TMEM178B: variants seen among roughly 807,000 people sequenced by gnomAD.
TMEM178B encodes the protein transmembrane protein 178B.
Under a neutral mutation model 31.0 loss-of-function variants are expected in TMEM178B, and 5 were observed. That is an observed-to-expected ratio of 0.16 (90% confidence interval 0.08 to 0.34). The LOEUF (loss-of-function observed/expected upper bound fraction) is 0.34, where lower values mean the gene tolerates loss of function less well. Among genes scored for constraint, TMEM178B ranks in the 10% least tolerant of loss-of-function variants. The pLI is 1.00. For synonymous variants in TMEM178B, 164 were observed against 164.0 expected, an observed-to-expected ratio of 1.00 and a Z score of 0.00; for missense variants, 275 against 400.3, an observed-to-expected ratio of 0.69 and a Z score of 2.67.
In TMEM178B at chr7:141,246,691, A is replaced by G. The variant is rs564629120; in HGVS notation, c.496+33987A>G. 5.9e-5 allele frequency among the ~76,000 whole-genome samples: 9 copies of G among 152,170 alleles called. No homozygotes were observed. In the South Asian group the frequency reaches 1.9e-3, roughly 32 times the overall value. On this transcript the variant is annotated intron_variant, in intron 2 of 3. Coordinates refer to ENST00000565468, the MANE Select transcript of TMEM178B (RefSeq NM_001195278.2). ...TGTGTGCAGGTAAGCAAAGGCGTAG[A>G]GGTGGGAACAAGAGACATGGTGTAG...
rs1186024660 is a variant in TMEM178B, at chr7:141,477,543, GAAGGGTCATGGC to G, written c.*6768_*6779del. On this transcript the variant is annotated 3_prime_UTR_variant, in exon 4 of 4. Coordinates refer to ENST00000565468, the MANE Select transcript of TMEM178B (RefSeq NM_001195278.2). ...AAATAAAAGTAAATCAGCAATGTTT[GAAGGGTCATGGC>G]AAGGGTCATGACAAAGACCTGACTC... 13 of 152,156 alleles carry G rather than the reference GAAGGGTCATGGC, an allele frequency of 8.5e-5. No individual in the cohort carries two copies. Among genetic ancestry groups the G allele is most frequent in the Non-Finnish European group, 1.5e-5 (1 of 68,040 alleles). The allele number at this position is 152,156 out of a possible 1,614,324, so 9.4% of individuals were successfully genotyped here.
intron 1 of TMEM178B, among the ~76,000 whole-genome samples, chr7:141,179,373 G>C (rs1170081469): frequency 6.6e-6 from 1 of 152,120 alleles, no homozygotes; most frequent in Non-Finnish European, 1.5e-5. Flanking sequence ...GGAAAAAAAG[G>C]GACTTTTCTT....
chr7:141,113,115 A>T (rs964094033), intron 1 of TMEM178B, among the ~76,000 whole-genome samples: 8 of 152,228 alleles, frequency 5.3e-5, no homozygotes, highest in Non-Finnish European at 5.9e-5. Flanking sequence ...ATGCTGAAGG[A>T]TGAGAGTGAG....
intron 1 of TMEM178B, among the ~76,000 whole-genome samples, chr7:141,125,044 C>T (rs896378836): frequency 1.3e-5 from 2 of 152,104 alleles, no homozygotes; most frequent in Admixed American, 6.5e-5. Flanking sequence ...ATATCTGAGG[C>T]CCCCTATTGG....
intron 1 of TMEM178B, among the ~76,000 whole-genome samples, chr7:141,144,845 CT>C (rs1795826720): frequency 6.6e-6 from 1 of 152,066 alleles, no homozygotes; most frequent in Admixed American, 6.5e-5. Flanking sequence ...AGGCTGAATT[CT>C]CAGTTGGCCC....
intron 1 of TMEM178B, among the ~76,000 whole-genome samples, chr7:141,134,840 C>A (rs563580792): frequency 6.6e-6 from 1 of 152,262 alleles, no homozygotes; most frequent in South Asian, 2.1e-4. Context: ...ATATTCCATG[C>A]TGATATGGTT....
intron 2 of TMEM178B, among the ~76,000 whole-genome samples, chr7:141,327,678 A>C (rs1024969390): frequency 6.6e-6 from 1 of 152,208 alleles, no homozygotes; most frequent in Non-Finnish European, 1.5e-5. Flanking sequence ...GTTGGGAGGT[A>C]GGACTTTCAA....
intron 2 of TMEM178B, among the ~76,000 whole-genome samples, chr7:141,248,811 A>G (rs778743335): frequency 6.6e-6 from 1 of 152,240 alleles, no homozygotes; most frequent in Non-Finnish European, 1.5e-5. Context: ...CTTCATAAGC[A>G]CGATACACTT....
chr7:141,148,740 A>G (rs1023350124), intron 1 of TMEM178B, among the ~76,000 whole-genome samples: 2 of 152,228 alleles, frequency 1.3e-5, no homozygotes, highest in Non-Finnish European at 2.9e-5. Context: ...TATCCTACTG[A>G]GGGTGACGGG....
chr7:141,170,844 C>T (rs1282062773), intron 1 of TMEM178B, among the ~76,000 whole-genome samples: 1 of 152,168 alleles, frequency 6.6e-6, no homozygotes, highest in Non-Finnish European at 1.5e-5. Flanking sequence ...TCTACCTTCC[C>T]AGCCGCACTA....
At chr7:141,336,921 CCACCACCACCAT>C (rs1563155178) in intron 2 of TMEM178B, among the ~76,000 whole-genome samples, 12 of 133,774 alleles carry the variant, frequency 9.0e-5, no homozygotes, top group Non-Finnish European at 1.3e-4. Context: ...ACCACCACCA[CCACCACCACCAT>C]CACCACCACC....
At chr7:141,113,466 A>G (rs1795267949) in intron 1 of TMEM178B, among the ~76,000 whole-genome samples, 1 of 152,194 alleles carries the variant, frequency 6.6e-6, no homozygotes, top group African/African-American at 2.4e-5. Flanking sequence ...GCACAGCCAG[A>G]TGGGACTACT....
chr7:141,120,135 C>T (rs576472733), intron 1 of TMEM178B, among the ~76,000 whole-genome samples: 71 of 152,290 alleles, frequency 4.7e-4, no homozygotes, highest in African/African-American at 1.7e-3. Context: ...ATCAACAGTG[C>T]GTGCCATGTG....
chr7:141,444,212 G>C (rs2116692674), intron 3 of TMEM178B, among the ~76,000 whole-genome samples: 1 of 152,244 alleles, frequency 6.6e-6, no homozygotes, highest in African/African-American at 2.4e-5. Flanking sequence ...TTTGTTCACT[G>C]TCTCTCTCCC....
chr7:141,288,950 C>T (rs904424560), intron 2 of TMEM178B, among the ~76,000 whole-genome samples: 1 of 152,208 alleles, frequency 6.6e-6, no homozygotes, highest in African/African-American at 2.4e-5. Flanking sequence ...TGGCTTTCCT[C>T]CCAGTTTTGT....
At chr7:141,147,149 G>A (rs1795866011) in intron 1 of TMEM178B, among the ~76,000 whole-genome samples, 1 of 152,212 alleles carries the variant, frequency 6.6e-6, no homozygotes, top group Non-Finnish European at 1.5e-5. Flanking sequence ...TTTTGGAGAA[G>A]CATAGTGAGT....
chr7:141,250,365 T>A (rs937484105), intron 2 of TMEM178B, among the ~76,000 whole-genome samples: 8 of 152,200 alleles, frequency 5.3e-5, no homozygotes, highest in African/African-American at 1.9e-4. Flanking sequence ...TTAAGTAACT[T>A]GTTCAAAGTC....
At chr7:141,100,096 G>C (rs1361767248) in intron 1 of TMEM178B, among the ~76,000 whole-genome samples, 1 of 152,200 alleles carries the variant, frequency 6.6e-6, no homozygotes, top group Non-Finnish European at 1.5e-5. Context: ...TGGGATTACA[G>C]GCGTGAGCCA....
chr7:141,379,068 G>T (rs1260275822), intron 2 of TMEM178B, among the ~76,000 whole-genome samples: 1 of 152,168 alleles, frequency 6.6e-6, no homozygotes, highest in Non-Finnish European at 1.5e-5. Flanking sequence ...GGAGAGCCAT[G>T]CAGGGGCATC....
Sources: allele counts gnomAD v4.1 joint callset (sites outside exome capture counted in the v4.1 genomes callset), GRCh38; gene constraint gnomAD v4.1.1; transcripts MANE v1.5; gene names NCBI Gene and HGNC (gene_info 2026-07-23, HGNC 2026-07-21).